TMEM132C: variants seen among roughly 807,000 people sequenced by gnomAD.
The protein encoded by TMEM132C is protein phosphatase 1, regulatory subunit 152.
Under a neutral mutation model 61.4 loss-of-function variants are expected in TMEM132C, and 29 were observed. The observed-to-expected ratio is 0.47, with a 90% CI of 0.35 to 0.64. TMEM132C has a LOEUF of 0.64. Ranked by LOEUF, TMEM132C falls within the 30% of genes least tolerant of loss-of-function variation. The pLI is 0.00. For synonymous variants in TMEM132C, 656 were observed against 633.1 expected (o/e 1.04, Z -0.54); for missense variants, 1,408 against 1,476.9 (o/e 0.95, Z 0.76).
At chr12:128,612,623 G>T (rs1345502841) in intron 3 of TMEM132C, among the ~76,000 whole-genome samples, 1 of 152,174 alleles carries the variant, frequency 6.6e-6, no homozygotes, top group Non-Finnish European at 1.5e-5. Context: ...ACCACCTCAG[G>T]GTTTGGATTG....
At chr12:128,356,614 C>T (rs577919521) in intron 1 of TMEM132C, among the ~76,000 whole-genome samples, 18 of 152,266 alleles carry the variant, frequency 1.2e-4, no homozygotes, top group African/African-American at 3.9e-4. Flanking sequence ...GTTCAGCAAC[C>T]GTAATTAGTG....
intron 1 of TMEM132C, among the ~76,000 whole-genome samples, chr12:128,412,630 C>T (rs1868599172): frequency 6.6e-6 from 1 of 152,158 alleles, no homozygotes; most frequent in East Asian, 1.9e-4. Context: ...TGCCTGCCAC[C>T]ATGTAAGACA....
chr12:128,297,662 A>G (rs913991589), intron 1 of TMEM132C, among the ~76,000 whole-genome samples: 7 of 152,218 alleles, frequency 4.6e-5, no homozygotes, highest in African/African-American at 1.7e-4. Flanking sequence ...CAGAGAGTGT[A>G]GCAGTGTCTC....
At chr12:128,445,081 C>T (rs1869931590) in intron 2 of TMEM132C, among the ~76,000 whole-genome samples, 2 of 152,024 alleles carry the variant, frequency 1.3e-5, no homozygotes, top group Non-Finnish European at 2.9e-5. Flanking sequence ...GGAAAAGCCT[C>T]ATACAAAATT....
At chr12:128,530,963 T>C (rs935232151) in intron 2 of TMEM132C, among the ~76,000 whole-genome samples, 1 of 152,134 alleles carries the variant, frequency 6.6e-6, no homozygotes, top group African/African-American at 2.4e-5. Flanking sequence ...TTCCTGAAAA[T>C]GTAACAGCCA....
chr12:128,639,110 AGTG>A (rs1157892001), intron 4 of TMEM132C, among the ~76,000 whole-genome samples: 27 of 124,912 alleles, frequency 2.2e-4, no homozygotes, highest in African/African-American at 8.5e-4. Flanking sequence ...TGATAATGAC[AGTG>A]GTGATGATGA....
At chr12:128,605,113 T>TGATAGATAGATA (rs3044839) in intron 3 of TMEM132C, among the ~76,000 whole-genome samples, 244 of 151,040 alleles carry the variant, frequency 1.6e-3, no homozygotes, top group African/African-American at 5.6e-3. Context: ...GACAGATAAA[T>TGATAGATAGATA]GATAGATAGA....
At chr12:128,649,453 G>A (rs2135608454) in intron 4 of TMEM132C, among the ~76,000 whole-genome samples, 1 of 152,332 alleles carries the variant, frequency 6.6e-6, no homozygotes, top group East Asian at 1.9e-4. Context: ...TGTGGCTCAG[G>A]ACAGAGAAGA....
At chr12:128,466,997 A>G (rs934575380) in intron 2 of TMEM132C, among the ~76,000 whole-genome samples, 7 of 152,184 alleles carry the variant, frequency 4.6e-5, no homozygotes, top group African/African-American at 1.4e-4. Flanking sequence ...TGGAAGGAGT[A>G]GGATTTCAAC....
At chr12:128,306,206 C>CTTTTT (rs34273117) in intron 1 of TMEM132C, among the ~76,000 whole-genome samples, 6 of 136,934 alleles carry the variant, frequency 4.4e-5, no homozygotes, top group Non-Finnish European at 7.7e-5. Context: ...TGAAGAAATT[C>CTTTTT]TTTTTTTTTT....
At chr12:128,349,156 G>A (rs747797405) in intron 1 of TMEM132C, among the ~76,000 whole-genome samples, 35 of 152,044 alleles carry the variant, frequency 2.3e-4, no homozygotes, top group Admixed American at 1.4e-3. Flanking sequence ...AGGTTGTGCC[G>A]TTGCACCCAG....
rs117290889 is a variant in TMEM132C at position 128,604,382 on chromosome 12, G to T, written c.1122-11770G>T. Among the ~76,000 whole-genome samples, 33 of 149,556 alleles carry T rather than the reference G, an allele frequency of 2.2e-4. No homozygotes were observed. The East Asian group carries it at 6.5e-3, about 29-fold the overall frequency. ...TGGATAATAGAGGGATAGATAGATG[G>T]CTAGATAGATAAATAATGGATGGAA... is the stretch of plus-strand genomic sequence containing the variant. On this transcript the variant is annotated intron_variant, in intron 3 of 8. Transcript: ENST00000435159.
chr12:128,307,508 T>G (rs1846233160), intron 1 of TMEM132C, among the ~76,000 whole-genome samples: 1 of 152,306 alleles, frequency 6.6e-6, no homozygotes, highest in Admixed American at 6.5e-5. Context: ...ACAATTGTTT[T>G]GCAGGATAAA....
chr12:128,590,020 G>T (rs1875697133), intron 3 of TMEM132C, among the ~76,000 whole-genome samples: 1 of 152,212 alleles, frequency 6.6e-6, no homozygotes. Context: ...AGTGGAGGTT[G>T]TTCATTGAAT....
chr12:128,455,740 AG>A (rs1005212955), intron 2 of TMEM132C, among the ~76,000 whole-genome samples: 1 of 152,176 alleles, frequency 6.6e-6, no homozygotes, highest in Non-Finnish European at 1.5e-5. Flanking sequence ...TCCCAGCCCT[AG>A]GAGAGAACAG....
chr12:128,497,181 G>A (rs1174844238), intron 2 of TMEM132C, among the ~76,000 whole-genome samples: 1 of 152,192 alleles, frequency 6.6e-6, no homozygotes, highest in Non-Finnish European at 1.5e-5. Flanking sequence ...CTGCCTGATC[G>A]TTCCTCTGGA....
intron 2 of TMEM132C, among the ~76,000 whole-genome samples, chr12:128,416,707 A>G (rs1177844265): frequency 2.0e-5 from 3 of 152,192 alleles, no homozygotes; most frequent in Admixed American, 1.3e-4. Context: ...GGTTTCCATT[A>G]GTTTCTCATC....
intron 2 of TMEM132C, chr12:128,439,282 G>T (rs963308071): frequency 6.6e-6 from 1 of 152,156 alleles, no homozygotes; most frequent in African/African-American, 2.4e-5. Context: ...ATCTTTTGAG[G>T]CTGGGTACAT....
intron 5 of TMEM132C, among the ~76,000 whole-genome samples, chr12:128,682,194 C>T (rs1479035949): frequency 6.6e-6 from 1 of 152,136 alleles, no homozygotes; most frequent in Non-Finnish European, 1.5e-5. Flanking sequence ...TCAGCCAAAC[C>T]TCTACACAGG....
Sources: gnomAD v4.1 joint callset for allele counts (sites outside exome capture counted in the v4.1 genomes callset) on GRCh38, gnomAD v4.1.1 for gene constraint, MANE v1.5 for transcripts, NCBI Gene and HGNC (gene_info 2026-07-23, HGNC 2026-07-21) for gene names.